The following NINL variants were observed in gnomAD, a reference collection of about 807,000 sequenced individuals.
NINL encodes ninein like.
Under a neutral mutation model 160.3 loss-of-function variants are expected in NINL, and 153 were observed. The ratio of observed to expected loss-of-function variants is 0.95; its 90% CI spans 0.84 to 1.09. The LOEUF is 1.09. NINL is among the 50% of genes least tolerant of loss of function. The pLI, the probability that NINL is intolerant of heterozygous loss-of-function variation, is 0.00. For missense variants in NINL, 1,829 were observed against 1,764.0 expected (o/e 1.04, Z -0.66); for synonymous variants, 800 against 734.8 (o/e 1.09, Z -1.43).
At chr20:25,520,276 G>T (rs2064239705) in intron 2 of NINL, among the ~76,000 whole-genome samples, 1 of 152,170 alleles carries the variant, frequency 6.6e-6, no homozygotes, top group Non-Finnish European at 1.5e-5. Flanking sequence ...GAAATCAACA[G>T]AAGGGCTATT....
chr20:25,497,281 T>A (rs565160714), intron 9 of NINL, among the ~76,000 whole-genome samples: 1 of 152,378 alleles, frequency 6.6e-6, no homozygotes, highest in South Asian at 2.1e-4. Context: ...AGTGGTTGTA[T>A]GTGGTCTCAG....
chr20:25,461,412 C>T (rs1231132258), intron 21 of NINL, 110 bp downstream of exon 21: 4 of 683,218 alleles, frequency 5.9e-6, no homozygotes, highest in South Asian at 3.8e-5. Context: ...TGCCCAGCAG[C>T]GCAACTACTT....
At chr20:25,475,508 C>A (rs2063208645) in intron 17 of NINL, among the ~76,000 whole-genome samples, 1 of 152,188 alleles carries the variant, frequency 6.6e-6, no homozygotes, top group East Asian at 1.9e-4. Flanking sequence ...CTAAAATCCT[C>A]AACAAAATAC....
intron 1 of NINL, among the ~76,000 whole-genome samples, chr20:25,550,812 T>C (rs1211424247): frequency 6.6e-6 from 1 of 152,194 alleles, no homozygotes; most frequent in African/African-American, 2.4e-5. Flanking sequence ...CACTGAGACA[T>C]TCCATTCCCA....
chr20:25,504,871 C>T lies in NINL; in HGVS notation c.708+17G>A, dbSNP rs757049205. The T allele has an allele frequency of 6.2e-7, 1 of 1,608,472 alleles. No individual in the cohort carries two copies. Reference sequence around the variant, plus strand: ...TGGCCAGGAATATGTGGCTGGGTGGCCTGCTGTGCCCCTCACCTCTTTCTC... The same window carrying T: ...TGGCCAGGAATATGTGGCTGGGTGGTCTGCTGTGCCCCTCACCTCTTTCTC... On this transcript the variant is annotated intron_variant, in intron 6 of 23. Transcript: ENST00000278886.
intron 21 of NINL, among the ~76,000 whole-genome samples, chr20:25,460,285 C>A (rs1040396620): frequency 6.6e-6 from 1 of 152,182 alleles, no homozygotes; most frequent in African/African-American, 2.4e-5. Context: ...ACCCTGGAAG[C>A]CCCCAGCTTC....
chr20:25,531,443 TAA>T (rs1318875425), intron 1 of NINL, among the ~76,000 whole-genome samples: 2 of 152,316 alleles, frequency 1.3e-5, no homozygotes, highest in Admixed American at 1.3e-4. Context: ...GGGGAAGTGA[TAA>T]GTGTCCATGA....
chr20:25,467,049 AAC>A (rs2062931401), intron 19 of NINL, among the ~76,000 whole-genome samples: 1 of 152,194 alleles, frequency 6.6e-6, no homozygotes, highest in South Asian at 2.1e-4. Context: ...AGGCACTCAC[AAC>A]ACAGACAGTG....
At chr20:25,579,889 C>A (rs1393181266) in intron 1 of NINL, among the ~76,000 whole-genome samples, 2 of 152,214 alleles carry the variant, frequency 1.3e-5, no homozygotes, top group Non-Finnish European at 2.9e-5. Flanking sequence ...AACTGATATA[C>A]TCTACAAATG....
chr20:25,503,673 C>T (rs565156846), intron 7 of NINL, among the ~76,000 whole-genome samples: 140 of 152,326 alleles, frequency 9.2e-4, no homozygotes, highest in African/African-American at 3.1e-3. Context: ...GGTGTGCACC[C>T]GAACCACCCC....
At chr20:25,458,019 C>T (rs865943625) in intron 22 of NINL, among the ~76,000 whole-genome samples, 5 of 152,310 alleles carry the variant, frequency 3.3e-5, no homozygotes, top group South Asian at 4.1e-4. Flanking sequence ...GCACTGCCCA[C>T]GGCACCTGCC....
At chr20:25,455,371 C>A (rs1401479323) in intron 23 of NINL, among the ~76,000 whole-genome samples, 1 of 152,224 alleles carries the variant, frequency 6.6e-6, no homozygotes, top group Non-Finnish European at 1.5e-5. Context: ...CTCAGCCCTG[C>A]TCATCTCAGG....
At chr20:25,473,395 C>T (rs536112212) in intron 17 of NINL, among the ~76,000 whole-genome samples, 4 of 151,042 alleles carry the variant, frequency 2.6e-5, no homozygotes, top group Admixed American at 2.0e-4. Context: ...GCAGAAGGAT[C>T]GCTTGAGGCC....
At chr20:25,473,617 A>T (rs1601048969) in intron 17 of NINL, among the ~76,000 whole-genome samples, 1 of 150,868 alleles carries the variant, frequency 6.6e-6, no homozygotes, top group Admixed American at 6.6e-5. Flanking sequence ...TGAGGCCAGG[A>T]GTTCAAGACC....
In NINL at chr20:25,476,745, A is replaced by C. The variant is rs2063258734; in HGVS notation, c.2546T>G (p.Leu849Arg). 1 of 1,608,160 alleles carries C rather than the reference A, an allele frequency of 6.2e-7. No homozygotes were observed. Among genetic ancestry groups the C allele is most frequent in the South Asian group, 1.1e-5 (1 of 90,996 alleles). The change falls in exon 17 of 24, where the codon CTG becomes CGG. Residue 849 changes from leucine to arginine, a missense_variant. Coordinates refer to ENST00000278886, the MANE Select transcript of NINL (RefSeq NM_025176.6). ...GQEGTRGLLP[L>R]RPGCGERPLA... is the part of the protein sequence containing the mutation. ...TGGCCGCTCCCCACAGCCCGGACGC[A>C]GTGGTAGGAGGCCACGTGTGCCCTC... is the stretch of plus-strand genomic sequence containing the variant.
chr20:25,544,822 C>A (rs2064713064), intron 1 of NINL, among the ~76,000 whole-genome samples: 1 of 152,230 alleles, frequency 6.6e-6, no homozygotes, highest in South Asian at 2.1e-4. Context: ...CTGAGCACCC[C>A]AAACAACTTT....
At chr20:25,545,425 A>G (rs2064719598) in intron 1 of NINL, among the ~76,000 whole-genome samples, 1 of 152,032 alleles carries the variant, frequency 6.6e-6, no homozygotes, top group South Asian at 2.1e-4. Flanking sequence ...CTTTTCATAC[A>G]TTGGCATGTC....
Position 25,476,361 on chromosome 20 carries a change from G to A in NINL, c.2930C>T (p.Ala977Val). The change falls in exon 17 of 24, where the codon GCC becomes GTC. Residue 977 changes from alanine to valine, a missense_variant. By Grantham distance (64) the Ala-to-Val change is moderately conservative (BLOSUM62 0). Transcript: ENST00000278886. Reference protein sequence around the residue: ...SCRGQAERLQAIQEERARSWS... With the variant: ...SCRGQAERLQVIQEERARSWS... ...GCTTCGTGCTCGCTCTTCCTGAATG[G>A]CCTGTAGCCTCTCAGCCTGTCCCCT... 3 of 1,611,734 alleles carry A rather than the reference G, an allele frequency of 1.9e-6. No individual in the cohort carries two copies. The highest frequency in any genetic ancestry group is 2.5e-6 in the Non-Finnish European group (3 of 1,179,704).
At chr20:25,567,499 T>C (rs1407310386) in intron 1 of NINL, among the ~76,000 whole-genome samples, 1 of 152,094 alleles carries the variant, frequency 6.6e-6, no homozygotes, top group Non-Finnish European at 1.5e-5. Flanking sequence ...AGACCTATCA[T>C]ATTCAAATTG....
Sources: allele counts gnomAD v4.1 joint callset (sites outside exome capture counted in the v4.1 genomes callset), GRCh38; gene constraint gnomAD v4.1.1; transcripts MANE v1.5; gene names NCBI Gene and HGNC (gene_info 2026-07-23, HGNC 2026-07-21).